Variants in PCDH11Y observed in about 807,000 individuals in gnomAD.
PCDH11Y encodes the protein protocadherin 11 Y-linked, also known as protocadherin-11 Y-linked.
For synonymous variants in PCDH11Y, 9 were observed against 83.6 expected (o/e 0.11, Z 4.87); for missense variants, 12 against 224.8 (o/e 0.05, Z 6.05).
At chrY:5,143,012 G>A in intron 2 of PCDH11Y, among the ~76,000 whole-genome samples, 1 of 32,739 alleles carries the variant, frequency 3.1e-5, no homozygotes, top group African/African-American at 1.2e-4. Context: ...GGTAGAGTCA[G>A]AATATTTGCA....
intron 3 of PCDH11Y, among the ~76,000 whole-genome samples, chrY:5,512,021 C>T: frequency 6.1e-5 from 2 of 32,862 alleles, no homozygotes; most frequent in Non-Finnish European, 1.5e-4. Context: ...ATCAAGTCTG[C>T]TCCTTCCTAG....
intron 2 of PCDH11Y, among the ~76,000 whole-genome samples, chrY:5,232,034 C>G: frequency 3.1e-5 from 1 of 32,396 alleles, no homozygotes; most frequent in Admixed American, 2.8e-4. Context: ...TGGGACTCAC[C>G]CTTCAGGGCA....
intron 2 of PCDH11Y, among the ~76,000 whole-genome samples, chrY:5,439,141 ATGGTAGT>A (rs2053277952): frequency 3.0e-5 from 1 of 33,300 alleles, no homozygotes; most frequent in South Asian, 6.6e-4. Context: ...TTATGGTTGC[ATGGTAGT>A]CCATGCATTT....
chrY:5,408,475 T>C, intron 2 of PCDH11Y, among the ~76,000 whole-genome samples: 1 of 33,573 alleles, frequency 3.0e-5, no homozygotes, highest in African/African-American at 1.2e-4. Context: ...GTTTTGCTTT[T>C]GTTGCTCAGT....
intron 2 of PCDH11Y, among the ~76,000 whole-genome samples, chrY:5,174,359 C>T: frequency 1.3e-4 from 4 of 29,970 alleles, no homozygotes; most frequent in African/African-American, 5.1e-4. Context: ...CTGCTTTGTT[C>T]CTTCTGTATT....
chrY:5,384,044 A>AT (rs2053208321), intron 2 of PCDH11Y, among the ~76,000 whole-genome samples: 1 of 33,843 alleles, frequency 3.0e-5, no homozygotes, highest in African/African-American at 1.2e-4. Flanking sequence ...TATCTCATGG[A>AT]TTTTGTAGCT....
chrY:5,307,417 G>T, intron 2 of PCDH11Y, among the ~76,000 whole-genome samples: 1 of 32,964 alleles, frequency 3.0e-5, no homozygotes. Context: ...TCCAACTGTT[G>T]CTTCATTCAC....
At position 5,177,381 on chromosome Y, in the gene PCDH11Y, G is replaced by A. The variant is rs2052894849; in HGVS notation, c.3129+76674G>A. On this transcript the variant is annotated intron_variant, in intron 2 of 4. Transcript: ENST00000400457. The stretch of plus-strand genomic sequence containing the variant: ...TGAAAAGAAAAGGAATCAGTACATC[G>A]AAGAGATATCTGTACTCCTATGTTT... 1.2e-4 allele frequency among the ~76,000 whole-genome samples: 4 copies of A among 33,508 alleles called. No homozygotes were observed. In the East Asian group the frequency reaches 2.4e-3, roughly 20 times the overall value. 89.9% of individuals were successfully genotyped at this position (33,508 alleles called of 37,273 possible).
intron 2 of PCDH11Y, among the ~76,000 whole-genome samples, chrY:5,437,115 C>T: frequency 3.0e-5 from 1 of 33,445 alleles, no homozygotes; most frequent in Non-Finnish European, 7.4e-5. Context: ...AGTACGTTTA[C>T]AGCTACTTCC....
At chrY:5,632,884 T>G in intron 4 of PCDH11Y, among the ~76,000 whole-genome samples, 1 of 33,053 alleles carries the variant, frequency 3.0e-5, no homozygotes, top group African/African-American at 1.2e-4. Flanking sequence ...TCACATTGAC[T>G]TCTTCATCTT....
intron 1 of PCDH11Y, among the ~76,000 whole-genome samples, chrY:5,058,063 G>C (rs1602853004): frequency 4.2e-4 from 14 of 33,331 alleles, no homozygotes; most frequent in African/African-American, 1.6e-3. Context: ...TTCTGTTAAT[G>C]TTAAATATTT....
chrY:5,097,583 A>G, intron 1 of PCDH11Y, among the ~76,000 whole-genome samples: 1 of 33,035 alleles, frequency 3.0e-5, no homozygotes, highest in Admixed American at 2.8e-4. Context: ...TCACTGATAT[A>G]TGGGTGCTAA....
At chrY:5,519,091 T>C in intron 3 of PCDH11Y, among the ~76,000 whole-genome samples, 1 of 32,238 alleles carries the variant, frequency 3.1e-5, no homozygotes, top group Admixed American at 2.8e-4. Flanking sequence ...AGATAATTTC[T>C]GTTAAAAGCT....
chrY:5,288,291 A>G, intron 2 of PCDH11Y, among the ~76,000 whole-genome samples: 2 of 33,319 alleles, frequency 6.0e-5, no homozygotes, highest in South Asian at 1.3e-3. Flanking sequence ...CTATCTTTGG[A>G]ATTGCTATCC....
At chrY:5,206,374 A>G in intron 2 of PCDH11Y, among the ~76,000 whole-genome samples, 1 of 27,099 alleles carries the variant, frequency 3.7e-5, no homozygotes, top group Non-Finnish European at 8.6e-5. Context: ...TTTAGGTTTC[A>G]ATATTTTATT....
intron 3 of PCDH11Y, among the ~76,000 whole-genome samples, chrY:5,043,848 C>T (rs200070119): frequency 9.1e-5 from 3 of 33,051 alleles, no homozygotes; most frequent in Non-Finnish European, 1.5e-4. Context: ...GGAGAGTGTA[C>T]GTGTCAAGGA....
chrY:5,017,922 C>T (rs2124619329), intron 1 of PCDH11Y, among the ~76,000 whole-genome samples: 3 of 32,596 alleles, frequency 9.2e-5, no homozygotes, highest in African/African-American at 2.4e-4. Context: ...AACCAGAATG[C>T]GAAATATAAA....
chrY:5,472,594 C>T (rs2053315097), intron 2 of PCDH11Y, among the ~76,000 whole-genome samples: 1 of 32,545 alleles, frequency 3.1e-5, no homozygotes, highest in East Asian at 7.9e-4. Flanking sequence ...CACAATTTGC[C>T]AGGTATTATC....
intron 2 of PCDH11Y, among the ~76,000 whole-genome samples, chrY:5,357,145 C>T (rs2053168098): frequency 7.4e-5 from 2 of 26,929 alleles, no homozygotes; most frequent in Non-Finnish European, 8.6e-5. Flanking sequence ...GCCGAGATCA[C>T]GCCACTGCAC....
Sources: gnomAD v4.1 joint callset for allele counts (sites outside exome capture counted in the v4.1 genomes callset) on GRCh38, gnomAD v4.1.1 for gene constraint, MANE v1.5 for transcripts, NCBI Gene and HGNC (gene_info 2026-07-23, HGNC 2026-07-21) for gene names.